Variants in FAM171A1 observed in about 807,000 individuals in gnomAD.
FAM171A1 encodes protein FAM171A1.
A neutral mutation model predicts 74.9 loss-of-function variants in FAM171A1; 23 were observed. The ratio of observed to expected loss-of-function variants is 0.31; its 90% confidence interval spans 0.22 to 0.44. The LOEUF is 0.44. FAM171A1 is among the 20% of genes least tolerant of loss of function. FAM171A1 has a pLI of 1.00. For missense variants in FAM171A1, 1,162 were observed against 1,159.2 expected (o/e 1.00, Z -0.03); for synonymous variants, 527 against 505.7 (o/e 1.04, Z -0.57).
chr10:15,269,831 T>A (rs545239352), intron 3 of FAM171A1, among the ~76,000 whole-genome samples: 81 of 152,334 alleles, frequency 5.3e-4, no homozygotes, highest in African/African-American at 1.9e-3. Flanking sequence ...CAAATTCAAA[T>A]GTGGTGTGCC....
At chr10:15,308,009 G>C (rs1161965273) in intron 1 of FAM171A1, among the ~76,000 whole-genome samples, 1 of 152,002 alleles carries the variant, frequency 6.6e-6, no homozygotes, top group Non-Finnish European at 1.5e-5. Context: ...ATGAGGTCTA[G>C]CTATGTTGCC....
In FAM171A1 at chr10:15,320,781, T is replaced by C. The variant is rs551266681; in HGVS notation, c.98-36676A>G. ...TTTTGAGAAGTGAGATTGGCCATTTTAGACCACACAGTAAGTTTGCACATA... is the reference window on the plus strand; with the variant it reads ...TTTTGAGAAGTGAGATTGGCCATTTCAGACCACACAGTAAGTTTGCACATA... On this transcript the variant is annotated intron_variant, in intron 1 of 7. Transcript: ENST00000378116. Among the ~76,000 whole-genome samples, 4 of 152,396 alleles carry C rather than the reference T, an allele frequency of 2.6e-5. No individual in the cohort carries two copies. In the South Asian group the frequency reaches 8.3e-4, roughly 32 times the overall value.
intron 1 of FAM171A1, among the ~76,000 whole-genome samples, chr10:15,312,627 G>T (rs965939321): frequency 8.1e-6 from 1 of 123,960 alleles, no homozygotes; most frequent in Admixed American, 9.1e-5. Flanking sequence ...TTAAAAATCT[G>T]TCACCGGAAT....
intron 1 of FAM171A1, among the ~76,000 whole-genome samples, chr10:15,309,293 G>A (rs1287141732): frequency 6.6e-6 from 1 of 152,024 alleles, no homozygotes; most frequent in African/African-American, 2.4e-5. Context: ...ACGCAGCCTC[G>A]GCCTCCCAGG....
intron 3 of FAM171A1, among the ~76,000 whole-genome samples, chr10:15,272,022 T>C (rs934699886): frequency 7.9e-5 from 12 of 152,156 alleles, no homozygotes; most frequent in Non-Finnish European, 2.9e-5. Flanking sequence ...CAGGATCAAA[T>C]TCACACATAA....
At chr10:15,283,448 G>C (rs1053522014) in intron 2 of FAM171A1, among the ~76,000 whole-genome samples, 1 of 152,148 alleles carries the variant, frequency 6.6e-6, no homozygotes, top group South Asian at 2.1e-4. Flanking sequence ...AGATCAAAAA[G>C]CAGTGGCCTC....
Position 15,248,661 on chromosome 10 carries a change from C to A in FAM171A1, c.732G>T (p.Ala244=). The change falls in exon 5 of 8, where the codon GCG becomes GCT. Residue 244 remains alanine, a synonymous_variant. Transcript: ENST00000378116. ...TACCCAGCTTCTGGTCAAACCGCCA[C>A]GCCGCGACATAGGCATTGTGCCTCA... ...SSLRHNAYVA[A]WRFDQKLGTW... is the part of the protein sequence containing the mutation. 1.2e-6 allele frequency: 2 copies of A among 1,609,788 alleles called. No individual in the cohort carries two copies. The highest frequency in any genetic ancestry group is 1.7e-6 in the Non-Finnish European group (2 of 1,178,044).
At chr10:15,321,064 T>C (rs1835480901) in intron 1 of FAM171A1, among the ~76,000 whole-genome samples, 1 of 152,230 alleles carries the variant, frequency 6.6e-6, no homozygotes, top group South Asian at 2.1e-4. Flanking sequence ...TCTGGTCATT[T>C]GGGGCCTGAT....
chr10:15,326,219 CAT>C (rs1835553184), intron 1 of FAM171A1, among the ~76,000 whole-genome samples: 1 of 152,164 alleles, frequency 6.6e-6, no homozygotes, highest in South Asian at 2.1e-4. Flanking sequence ...TCATTTCACT[CAT>C]AGATCGTTTG....
At position 15,213,837 on chromosome 10, in the gene FAM171A1, G is replaced by A. The variant is rs1423852173; in HGVS notation, c.1751C>T (p.Pro584Leu). Residue 584 changes from proline (P) to leucine (L), a missense_variant, in exon 8 of 8, where the codon CCG becomes CTG. Transcript: ENST00000378116. The surrounding 1 kb of genome is among the most constrained non-coding windows in gnomAD (Gnocchi z 6.8). ...CCCGGGGAGTTTCATATAATGAGCC[G>A]GGATGACCAAGGCAGGCAGTACTTT... ...YRKVLPALVI[P>L]AHYMKLPGDH... 3 of 1,614,124 alleles carry A rather than the reference G, an allele frequency of 1.9e-6. No individual in the cohort carries two copies. Among genetic ancestry groups the A allele is most frequent in the Non-Finnish European group, 2.5e-6 (3 of 1,180,030 alleles).
rs547519424 is a variant in FAM171A1, at chr10:15,280,956, C to T, written c.325+2922G>A. ...GATCTGCGTCCCTGCCCAAATCTCA[C>T]GTCGAATTGTAACCCCCAGTGTTGG... On this transcript the variant is annotated intron_variant, in intron 2 of 7. Coordinates refer to ENST00000378116, the MANE Select transcript of FAM171A1 (RefSeq NM_001010924.2). Among the ~76,000 whole-genome samples the T allele has an allele frequency of 4.2e-4, 64 of 152,322 alleles. 1 individual carries two copies. The South Asian group carries it at 0.011, about 26-fold the overall frequency.
At chr10:15,276,897 G>A (rs984710855) in intron 2 of FAM171A1, among the ~76,000 whole-genome samples, 6 of 151,976 alleles carry the variant, frequency 3.9e-5, no homozygotes, top group African/African-American at 1.5e-4. Context: ...TGTTGCCCAG[G>A]TTACTCTCAA....
chr10:15,289,189 C>G (rs2131815319), intron 1 of FAM171A1, among the ~76,000 whole-genome samples: 2 of 152,230 alleles, frequency 1.3e-5, no homozygotes, highest in South Asian at 4.2e-4. Context: ...ATGGGACTCT[C>G]CATTCAACCG....
At chr10:15,262,857 T>C (rs983335205) in intron 3 of FAM171A1, among the ~76,000 whole-genome samples, 6 of 152,196 alleles carry the variant, frequency 3.9e-5, no homozygotes, top group Non-Finnish European at 5.9e-5. Flanking sequence ...GCAGAGAAGC[T>C]GCAGGAGGAC....
chr10:15,225,728 T>G (rs545437871), intron 5 of FAM171A1, among the ~76,000 whole-genome samples: 1 of 152,216 alleles, frequency 6.6e-6, no homozygotes, highest in South Asian at 2.1e-4. Flanking sequence ...CCTTTCATCA[T>G]GCGGTGAGAG....
chr10:15,350,454 G>A (rs1835864494), intron 1 of FAM171A1, among the ~76,000 whole-genome samples: 1 of 151,564 alleles, frequency 6.6e-6, no homozygotes, highest in South Asian at 2.1e-4. Context: ...CAATTCTCCT[G>A]CCTCAGCCTC....
At chr10:15,287,499 T>G (rs938905567) in intron 1 of FAM171A1, among the ~76,000 whole-genome samples, 6 of 151,830 alleles carry the variant, frequency 4.0e-5, no homozygotes, top group Non-Finnish European at 7.4e-5. Context: ...GCGATTCTCC[T>G]GCCTCAGCCA....
Position 15,213,208 on chromosome 10 carries a change from C to A in FAM171A1, c.2380G>T (p.Val794Leu). Residue 794 changes from valine to leucine, a missense_variant, in exon 8 of 8, where the codon GTG (valine) becomes TTG (leucine). Transcript: ENST00000378116. This position sits in a 1 kb window ranked among gnomAD's most constrained non-coding sequence, Gnocchi z 6.8. ...CCACATTCGCTACCACTCTGTTCCA[C>A]GTCATCCAGGTACACGAGCTGCGTG... ...AYTQLVYLDD[V>L]EQSGSECGTT... 1 of 1,614,140 alleles carries A rather than the reference C, an allele frequency of 6.2e-7. No individual in the cohort carries two copies. The highest frequency in any genetic ancestry group is 1.1e-5 in the South Asian group (1 of 91,072).
At chr10:15,241,840 G>A (rs1834368102) in intron 5 of FAM171A1, 1 of 152,000 alleles carries the variant, frequency 6.6e-6, no homozygotes, top group Admixed American at 6.6e-5. Flanking sequence ...AGTCTCTGGA[G>A]CTTAATCATC....
Sources: allele counts gnomAD v4.1 joint callset (sites outside exome capture counted in the v4.1 genomes callset), GRCh38; gene constraint gnomAD v4.1.1; non-coding constraint Gnocchi (gnomAD v3.1); transcripts MANE v1.5; gene names NCBI Gene and HGNC (gene_info 2026-07-23, HGNC 2026-07-21).